NQO2: variants seen among roughly 807,000 people sequenced by gnomAD.
NQO2 encodes ribosyldihydronicotinamide dehydrogenase [quinone].
A neutral mutation model predicts 22.0 loss-of-function variants in NQO2; 18 were observed. That is an observed-to-expected ratio of 0.82 (90% CI 0.56 to 1.21). The LOEUF (loss-of-function observed/expected upper bound fraction) is 1.21, where lower values mean the gene tolerates loss of function less well. Ranked by LOEUF, NQO2 falls within the 50% of genes most tolerant of loss-of-function variation. The probability of loss-of-function intolerance (pLI) is 0.00; values close to 1 mark genes in which losing one functional copy is unlikely to be tolerated. For missense variants in NQO2, 267 were observed against 286.9 expected, an observed-to-expected ratio of 0.93 and a Z score of 0.50; for synonymous variants, 106 against 110.8, an observed-to-expected ratio of 0.96 and a Z score of 0.28.
intron 1 of NQO2, among the ~76,000 whole-genome samples, chr6:3,005,330 T>C: frequency 6.6e-6 from 1 of 152,182 alleles, no homozygotes; most frequent in East Asian, 1.9e-4. Context: ...GCACAGCACC[T>C]CTCCAGCAGC....
rs111345172 is a variant in NQO2, at chr6:3,007,039, A to G, written c.7+480A>G. 1.0e-3 allele frequency: 410 copies of G among 396,184 alleles called. 5 individuals carry two copies. The highest frequency in any genetic ancestry group is 7.6e-3 in the African/African-American group (371 of 48,688). 24.5% of individuals were successfully genotyped at this position (396,184 alleles called of 1,614,324 possible). On this transcript the variant is annotated intron_variant, in intron 2 of 6. Coordinates refer to ENST00000380455, the MANE Select transcript of NQO2 (RefSeq NM_000904.6). ...CTTTTTAATTTCACCTAACGATATA[A>G]CATGGAGAGCCTTTCGTGTTAGAAC...
At position 3,019,516 on chromosome 6, in the gene NQO2, C is replaced by T. The variant is rs757979939; in HGVS notation, c.557C>T (p.Ala186Val). The stretch of plus-strand genomic sequence containing the variant: ...CACTTCTGTGGATTTAAAGTCCTTG[C>T]CCCTCAGATCAGCTTTGCTCCTGAA... ...TLHFCGFKVL[A>V]PQISFAPEIA... The change falls in exon 7 of 7, where the codon GCC becomes GTC. Residue 186 changes from alanine to valine, a missense_variant. Physicochemically the swap from Ala to Val is moderately conservative, Grantham distance 64 (BLOSUM62 0). Coordinates refer to ENST00000380455, the MANE Select transcript of NQO2 (RefSeq NM_000904.6). 1.2e-6 allele frequency: 2 copies of T among 1,614,064 alleles called. No individual in the cohort carries two copies. The highest frequency in any genetic ancestry group is 1.7e-6 in the Non-Finnish European group (2 of 1,179,968).
rs1426664687 is a variant in NQO2, at chr6:3,013,246, C to T, written c.303+572C>T. 8.5e-5 allele frequency among the ~76,000 whole-genome samples: 13 copies of T among 152,222 alleles called. No homozygotes were observed. The South Asian group carries it at 1.7e-3, about 19-fold the overall frequency. Reference sequence around the variant, plus strand: ...CTGGGATTACAGGCGTGAGCCACCGCGCCCGGCCGATGTAACACTACTTTA... The same window carrying T: ...CTGGGATTACAGGCGTGAGCCACCGTGCCCGGCCGATGTAACACTACTTTA... On this transcript the variant is annotated intron_variant, in intron 4 of 6. Coordinates refer to ENST00000380455, the MANE Select transcript of NQO2 (RefSeq NM_000904.6).
intron 1 of NQO2, among the ~76,000 whole-genome samples, chr6:3,001,781 A>G (rs1295855765): frequency 6.6e-6 from 1 of 152,224 alleles, no homozygotes; most frequent in Admixed American, 6.5e-5. Context: ...CCTGGTATAT[A>G]CAGTTTAATA....
At chr6:3,005,534 C>T (rs898087767) in intron 1 of NQO2, 19 of 446,232 alleles carry the variant, frequency 4.3e-5, no homozygotes, top group African/African-American at 1.3e-4. Flanking sequence ...ACCATTCATA[C>T]ATCTTTGGAG....
intron 4 of NQO2, among the ~76,000 whole-genome samples, 167 bp downstream of exon 4, chr6:3,012,841 T>G (rs1489352597): frequency 6.6e-6 from 1 of 151,712 alleles, no homozygotes; most frequent in Non-Finnish European, 1.5e-5. Context: ...AGTTACAACA[T>G]TTCACCTAGT....
At chr6:3,017,851 C>T (rs1446890129) in intron 6 of NQO2, among the ~76,000 whole-genome samples, 3 of 152,126 alleles carry the variant, frequency 2.0e-5, no homozygotes, top group Non-Finnish European at 4.4e-5. Context: ...AAAATGCACG[C>T]GTCACCCCTT....
chr6:3,015,599 T>A lies in NQO2; in HGVS notation c.373T>A (p.Phe125Ile), dbSNP rs775318256. ...GWMDRVLCQG[F>I]AFDIPGFYDS... ...GATGGATAGGGTGCTGTGCCAGGGC[T>A]TTGCCTTTGACATCCCAGGATTCTA... is the stretch of plus-strand genomic sequence containing the variant. Residue 125 changes from phenylalanine (F) to isoleucine (I), a missense_variant, in exon 5 of 7, where the codon TTT (phenylalanine) becomes ATT (isoleucine). Transcript: ENST00000380455. 4.3e-6 allele frequency: 7 copies of A among 1,614,164 alleles called. 1 individual carries two copies. The South Asian group carries it at 7.7e-5, about 18-fold the overall frequency.
chr6:3,012,638 GA>G lies in NQO2; in HGVS notation c.272del (p.Lys91ArgfsTer7). ...TGGCTAGCGACATCACTGATGAGCA[GA>G]AAAAGGTTCGGGAGGCTGACCTAGT... Reference protein sequence around the residue: ...SLASDITDEQKKVREADLVIF... With the variant: ...SLASDITDEQXKVREADLVIF... On this transcript the variant is annotated frameshift_variant, in exon 4 of 7. Transcript: ENST00000380455. LOFTEE classifies it high-confidence loss of function. 1 of 1,613,970 alleles carries G rather than the reference GA, an allele frequency of 6.2e-7. No homozygotes were observed.
intron 1 of NQO2, among the ~76,000 whole-genome samples, chr6:3,002,556 C>A (rs189163857): frequency 6.6e-6 from 1 of 152,096 alleles, no homozygotes; most frequent in Non-Finnish European, 1.5e-5. Context: ...GTGATCCCCC[C>A]ACCTCGGCCC....
chr6:3,011,655 A>G (rs779095685), intron 3 of NQO2, among the ~76,000 whole-genome samples: 1 of 148,104 alleles, frequency 6.8e-6, no homozygotes, highest in Non-Finnish European at 1.5e-5. Context: ...TATAATTATT[A>G]AACTCTCAAA....
intron 3 of NQO2, among the ~76,000 whole-genome samples, chr6:3,011,023 A>G (rs1757117816): frequency 1.3e-5 from 2 of 152,232 alleles, no homozygotes; most frequent in Admixed American, 1.3e-4. Context: ...AATGAAAACA[A>G]GTCAGACATA....
intron 4 of NQO2, 67 bp downstream of exon 4, chr6:3,012,741 G>T: frequency 6.6e-7 from 1 of 1,514,642 alleles, no homozygotes; most frequent in South Asian, 1.2e-5. Context: ...TCTGAATATT[G>T]AGTTTTGTGC....
At chr6:3,009,499 TAAGAGATTA>T (rs1216900295) in intron 2 of NQO2, among the ~76,000 whole-genome samples, 1 of 152,146 alleles carries the variant, frequency 6.6e-6, no homozygotes, top group African/African-American at 2.4e-5. Flanking sequence ...ATGATGGGAT[TAAGAGATTA>T]AAGTAAAGAC....
chr6:3,004,344 G>C (rs988133005), intron 1 of NQO2: 1 of 985,392 alleles, frequency 1.0e-6, no homozygotes, highest in Non-Finnish European at 1.2e-6. Context: ...AGCGAATGGG[G>C]AAGGATTTGA....
chr6:3,015,039 C>A, intron 4 of NQO2: 1 of 1,214,776 alleles, frequency 8.2e-7, no homozygotes. Flanking sequence ...GTTAGGGCAT[C>A]TATGGGATAG....
rs369299279 is a variant in NQO2, at chr6:3,010,126, G to C, written c.109G>C (p.Val37Leu). ...VDELSRQGCTVTVSDLYAMNL... is the reference protein window; with the variant it reads ...VDELSRQGCTLTVSDLYAMNL... ...TGAACTGAGCAGGCAGGGCTGCACC[G>C]TCACAGTGTCTGATTTGTATGCCAT... is the stretch of plus-strand genomic sequence containing the variant. Residue 37 changes from valine (V) to leucine (L), a missense_variant, in exon 3 of 7, where the codon GTC becomes CTC. By Grantham distance (32) the Val-to-Leu change is conservative (BLOSUM62 1). Coordinates refer to ENST00000380455, the MANE Select transcript of NQO2 (RefSeq NM_000904.6). The C allele has an allele frequency of 6.2e-7, 1 of 1,613,926 alleles. No individual in the cohort carries two copies. Among genetic ancestry groups the C allele is most frequent in the Admixed American group, 1.7e-5 (1 of 60,018 alleles).
At position 3,012,648 on chromosome 6, in the gene NQO2, C is replaced by G. The variant is rs1171989906; in HGVS notation, c.277C>G (p.Arg93Gly). Residue 93 changes from arginine to glycine, a missense_variant, in exon 4 of 7, where the codon CGG (arginine) becomes GGG (glycine). Arg to Gly is a moderately radical substitution (Grantham distance 125). Coordinates refer to ENST00000380455, the MANE Select transcript of NQO2 (RefSeq NM_000904.6). ...SDITDEQKKV[R>G]EADLVIFQFP... is the part of the protein sequence containing the mutation. Reference sequence around the variant, plus strand: ...CATCACTGATGAGCAGAAAAAGGTTCGGGAGGCTGACCTAGTGATATTTCA... The same window carrying G: ...CATCACTGATGAGCAGAAAAAGGTTGGGGAGGCTGACCTAGTGATATTTCA... 1 of 1,613,842 alleles carries G rather than the reference C, an allele frequency of 6.2e-7. No homozygotes were observed. The highest frequency in any genetic ancestry group is 2.2e-5 in the East Asian group (1 of 44,876).
In NQO2 at chr6:3,005,864, G is replaced by A. The variant is rs73718694; in HGVS notation, c.-85-604G>A. 3.6e-4 allele frequency: 342 copies of A among 947,758 alleles called. No homozygotes were observed. In the African/African-American group the frequency reaches 5.5e-3, roughly 15 times the overall value. The allele number at this position is 947,758 out of a possible 1,614,324, so 58.7% of individuals were successfully genotyped here. A position where few individuals can be genotyped will look rare whatever the true frequency, so the allele number is the denominator to read the frequency against. Reference sequence around the variant, plus strand: ...GAGGCACAGAGGGGTGGAGGGATGTGCTGCAGGGCCCACAGCTACAATGGG... The same window carrying A: ...GAGGCACAGAGGGGTGGAGGGATGTACTGCAGGGCCCACAGCTACAATGGG... On this transcript the variant is annotated intron_variant, in intron 1 of 6. Transcript: ENST00000380455.
Sources: gnomAD v4.1 joint callset for allele counts (sites outside exome capture counted in the v4.1 genomes callset) on GRCh38, gnomAD v4.1.1 for gene constraint, MANE v1.5 for transcripts, NCBI Gene and HGNC (gene_info 2026-07-23, HGNC 2026-07-21) for gene names.